The following CLIC4 variants were observed in gnomAD, a reference collection of about 807,000 sequenced individuals.
The protein encoded by CLIC4 is CLIC family member 4.
In CLIC4, 13 loss-of-function variants were observed where a neutral mutation model predicts 24.6. The observed-to-expected ratio is 0.53, with a 90% CI of 0.34 to 0.84. The LOEUF (loss-of-function observed/expected upper bound fraction) is 0.84. Ranked by LOEUF, CLIC4 falls within the 40% of genes least tolerant of loss-of-function variation. The pLI is 0.01. For missense variants in CLIC4, 227 were observed against 301.7 expected (o/e 0.75, Z 1.83); for synonymous variants, 104 against 111.3 (o/e 0.93, Z 0.41).
At chr1:24,775,211 C>CCTTT (rs199775279) in intron 1 of CLIC4, among the ~76,000 whole-genome samples, 10 of 136,110 alleles carry the variant, frequency 7.3e-5, no homozygotes, top group Non-Finnish European at 1.4e-4. Flanking sequence ...TCTTTTTCTT[C>CCTTT]CTTTCTTTCT....
At chr1:24,766,579 C>G (rs778926243) in intron 1 of CLIC4, among the ~76,000 whole-genome samples, 7 of 143,380 alleles carry the variant, frequency 4.9e-5, no homozygotes, top group Non-Finnish European at 1.5e-5. Context: ...TCTCAGCTCA[C>G]TGCAACCTCC....
intron 1 of CLIC4, among the ~76,000 whole-genome samples, chr1:24,753,471 A>G (rs1638804830): frequency 2.6e-5 from 4 of 152,198 alleles, no homozygotes; most frequent in Admixed American, 2.0e-4. Flanking sequence ...GAAAGATGGA[A>G]GGAGGCTTAA....
At chr1:24,755,037 A>C (rs1638827848) in intron 1 of CLIC4, among the ~76,000 whole-genome samples, 1 of 147,326 alleles carries the variant, frequency 6.8e-6, no homozygotes, top group Non-Finnish European at 1.5e-5. Context: ...GTGTTACTAC[A>C]CTCCAGCCTG....
chr1:24,793,336 T>G (rs1639362666), intron 1 of CLIC4: 1 of 152,206 alleles, frequency 6.6e-6, no homozygotes, highest in Non-Finnish European at 1.5e-5. Context: ...TATAGTAGGA[T>G]GAGTTAGTGC....
At chr1:24,813,038 C>A (rs1397764844) in intron 2 of CLIC4, among the ~76,000 whole-genome samples, 1 of 126,038 alleles carries the variant, frequency 7.9e-6, no homozygotes, top group African/African-American at 3.1e-5. Flanking sequence ...TTCTTTCTTT[C>A]TTTCTTTCTT....
intron 2 of CLIC4, among the ~76,000 whole-genome samples, chr1:24,800,348 G>C (rs1639470943): frequency 7.6e-6 from 1 of 131,126 alleles, no homozygotes; most frequent in African/African-American, 3.0e-5. Context: ...GGAGGTGGGG[G>C]GGTCAGCCCC....
intron 1 of CLIC4, among the ~76,000 whole-genome samples, chr1:24,755,907 C>T (rs1055047220): frequency 8.6e-5 from 13 of 151,706 alleles, no homozygotes; most frequent in South Asian, 2.1e-4. Flanking sequence ...CTGCAACCTC[C>T]GCCTCCTGGT....
At chr1:24,831,262 C>G (rs1478165732) in intron 4 of CLIC4, among the ~76,000 whole-genome samples, 1 of 152,082 alleles carries the variant, frequency 6.6e-6, no homozygotes, top group African/African-American at 2.4e-5. Flanking sequence ...AAGGTCTCAC[C>G]ACATTGCCCA....
At chr1:24,820,945 A>G (rs942643298) in intron 3 of CLIC4, among the ~76,000 whole-genome samples, 3 of 152,142 alleles carry the variant, frequency 2.0e-5, no homozygotes, top group Non-Finnish European at 4.4e-5. Context: ...GCACTTTGGG[A>G]GACTGAGGCG....
intron 1 of CLIC4, among the ~76,000 whole-genome samples, chr1:24,766,857 T>C (rs3122052): frequency 0.96 from 144,989 of 150,934 alleles, 69,695 homozygotes; most frequent in East Asian, 1. Context: ...GAAGACCATT[T>C]GAATTAATAT....
intron 1 of CLIC4, among the ~76,000 whole-genome samples, chr1:24,771,397 C>T (rs1369925483): frequency 6.6e-6 from 1 of 152,066 alleles, no homozygotes; most frequent in African/African-American, 2.4e-5. Flanking sequence ...CATTTTTGTT[C>T]CAGGCTAGAA....
At chr1:24,829,609 T>C (rs115980351) in intron 4 of CLIC4, among the ~76,000 whole-genome samples, 2,423 of 152,288 alleles carry the variant, frequency 0.016, 67 homozygotes, top group African/African-American at 0.056. Context: ...TAGTCATTGA[T>C]ATTTATAATA....
intron 3 of CLIC4, among the ~76,000 whole-genome samples, chr1:24,821,757 A>G (rs1359078436): frequency 7.9e-5 from 12 of 151,928 alleles, no homozygotes; most frequent in African/African-American, 1.2e-4. Flanking sequence ...ATCACTTTCA[A>G]TTGGAGTCTG....
intron 1 of CLIC4, among the ~76,000 whole-genome samples, chr1:24,752,790 T>C (rs948538141): frequency 9.2e-5 from 14 of 152,240 alleles, no homozygotes; most frequent in African/African-American, 3.4e-4. Flanking sequence ...TGGTGCAATC[T>C]TGGCTCACTG....
chr1:24,837,268 T>A (rs1197973998), intron 4 of CLIC4, among the ~76,000 whole-genome samples: 8 of 152,174 alleles, frequency 5.3e-5, no homozygotes, highest in Non-Finnish European at 1.0e-4. Flanking sequence ...ATTAAAATGA[T>A]TTTTGGAGGA....
At position 24,796,162 on chromosome 1, in the gene CLIC4, G is replaced by A. The variant is rs79151487; in HGVS notation, c.73-1580G>A. Among the ~76,000 whole-genome samples, 429 of 152,178 alleles carry A rather than the reference G, an allele frequency of 2.8e-3. 2 individuals carry two copies. Among genetic ancestry groups the A allele is most frequent in the African/African-American group, 9.8e-3 (409 of 41,524 alleles). On this transcript the variant is annotated intron_variant, in intron 1 of 5. Transcript: ENST00000374379. ...TAGTCATGTGCTGCATATGCCAGGG[G>A]TCTCAAAAGATTGTAATTTGCTTTT...
At chr1:24,773,506 G>T (rs1407789095) in intron 1 of CLIC4, among the ~76,000 whole-genome samples, 3 of 150,820 alleles carry the variant, frequency 2.0e-5, no homozygotes, top group Non-Finnish European at 4.4e-5. Context: ...AACAAGGGAA[G>T]ACCCTGGCAG....
chr1:24,840,087 T>A (rs770935498), intron 5 of CLIC4, 46 bp downstream of exon 5: 3 of 1,532,910 alleles, frequency 2.0e-6, no homozygotes, highest in Non-Finnish European at 1.8e-6. Context: ...CCTTGTATTG[T>A]ATTTACTAAA....
chr1:24,829,591 A>G (rs1395349485), intron 4 of CLIC4, among the ~76,000 whole-genome samples: 1 of 152,156 alleles, frequency 6.6e-6, no homozygotes, highest in Non-Finnish European at 1.5e-5. Flanking sequence ...TAAGGTCCCA[A>G]CTGTGACTAG....
Sources: allele counts gnomAD v4.1 joint callset (sites outside exome capture counted in the v4.1 genomes callset), GRCh38; gene constraint gnomAD v4.1.1; transcripts MANE v1.5; gene names NCBI Gene and HGNC (gene_info 2026-07-23, HGNC 2026-07-21).